DNAJC1: variants seen among roughly 807,000 people sequenced by gnomAD.
The protein encoded by DNAJC1 is DnaJ heat shock protein family (Hsp40) member C1, also known as dnaJ homolog subfamily C member 1.
A neutral mutation model predicts 76.6 loss-of-function variants in DNAJC1; 58 were observed. The ratio of observed to expected loss-of-function variants is 0.76; its 90% CI spans 0.61 to 0.94. The LOEUF is 0.94. Ranked by LOEUF, DNAJC1 falls within the 40% of genes least tolerant of loss-of-function variation. The pLI, the probability that DNAJC1 is intolerant of heterozygous loss-of-function variation, is 0.00. For synonymous variants in DNAJC1, 258 were observed against 267.9 expected (o/e 0.96, Z 0.36); for missense variants, 689 against 677.3 (o/e 1.02, Z -0.19).
chr10:21,946,659 C>G (rs1213260638), intron 1 of DNAJC1, among the ~76,000 whole-genome samples: 1 of 152,028 alleles, frequency 6.6e-6, no homozygotes, highest in African/African-American at 2.4e-5. Flanking sequence ...CAATTTCATT[C>G]CTAAGTACAT....
At chr10:21,979,935 G>A (rs1344113549) in intron 1 of DNAJC1, among the ~76,000 whole-genome samples, 1 of 151,678 alleles carries the variant, frequency 6.6e-6, no homozygotes, top group Non-Finnish European at 1.5e-5. Context: ...GACTTTTGCA[G>A]TCAAAAGTCC....
At chr10:21,824,859 T>G (rs1032630710) in intron 8 of DNAJC1, among the ~76,000 whole-genome samples, 1 of 152,174 alleles carries the variant, frequency 6.6e-6, no homozygotes, top group Non-Finnish European at 1.5e-5. Flanking sequence ...CTGCAACCTC[T>G]GCTTCCTGGA....
chr10:21,991,257 T>C (rs1838322319), intron 1 of DNAJC1, among the ~76,000 whole-genome samples: 2 of 152,104 alleles, frequency 1.3e-5, no homozygotes, highest in South Asian at 4.1e-4. Context: ...GGTCAAAATA[T>C]CACTAACGAC....
intron 3 of DNAJC1, among the ~76,000 whole-genome samples, chr10:21,921,438 G>A (rs1023333711): frequency 2.0e-5 from 3 of 151,740 alleles, no homozygotes; most frequent in African/African-American, 7.3e-5. Flanking sequence ...CCTAAACTAC[G>A]GTGGCTCAAG....
intron 10 of DNAJC1, among the ~76,000 whole-genome samples, chr10:21,765,206 A>G (rs1482248560): frequency 1.3e-5 from 2 of 152,186 alleles, no homozygotes; most frequent in African/African-American, 2.4e-5. Context: ...GAGAACTCCA[A>G]GTTGAATTCT....
intron 8 of DNAJC1, among the ~76,000 whole-genome samples, chr10:21,812,789 T>C (rs1036683091): frequency 3.9e-5 from 6 of 152,070 alleles, no homozygotes; most frequent in East Asian, 3.9e-4. Flanking sequence ...TTTTAGAAAA[T>C]AGTACAGAGT....
chr10:21,838,844 T>A (rs1398312538), intron 8 of DNAJC1, among the ~76,000 whole-genome samples: 1 of 152,072 alleles, frequency 6.6e-6, no homozygotes, highest in African/African-American at 2.4e-5. Flanking sequence ...GACCACACAG[T>A]TGGAAGTAAA....
At chr10:21,935,641 C>A (rs1171521703) in intron 1 of DNAJC1, among the ~76,000 whole-genome samples, 1 of 146,092 alleles carries the variant, frequency 6.8e-6, no homozygotes, top group African/African-American at 2.5e-5. Context: ...TCTCAACAAA[C>A]CCCAAGTAGG....
intron 8 of DNAJC1, among the ~76,000 whole-genome samples, chr10:21,853,042 T>C (rs1224339240): frequency 2.6e-5 from 4 of 152,198 alleles, no homozygotes; most frequent in Admixed American, 2.0e-4. Flanking sequence ...CTTTCACCTT[T>C]ACAAAACAGA....
intron 8 of DNAJC1, among the ~76,000 whole-genome samples, chr10:21,858,658 T>C (rs947316018): frequency 3.9e-5 from 6 of 152,202 alleles, no homozygotes; most frequent in African/African-American, 7.2e-5. Flanking sequence ...GGATGCAGGA[T>C]AGTGATTTTA....
At chr10:21,962,068 T>C (rs1477770740) in intron 1 of DNAJC1, among the ~76,000 whole-genome samples, 1 of 152,332 alleles carries the variant, frequency 6.6e-6, no homozygotes, top group South Asian at 2.1e-4. Flanking sequence ...TCTACCCTTA[T>C]CTAAAACTGC....
intron 9 of DNAJC1, among the ~76,000 whole-genome samples, chr10:21,804,773 T>G (rs920466331): frequency 1.3e-5 from 2 of 152,032 alleles, no homozygotes; most frequent in Non-Finnish European, 2.9e-5. Context: ...GATTGTAGTC[T>G]TTTAAATGAC....
intron 1 of DNAJC1, among the ~76,000 whole-genome samples, chr10:21,976,994 G>C (rs532631844): frequency 1.3e-5 from 2 of 152,212 alleles, no homozygotes; most frequent in African/African-American, 4.8e-5. Context: ...AAGGGGCAAT[G>C]GGGCCAATGG....
At chr10:21,877,891 A>C (rs1450239964) in intron 8 of DNAJC1, among the ~76,000 whole-genome samples, 2 of 152,228 alleles carry the variant, frequency 1.3e-5, no homozygotes, top group African/African-American at 2.4e-5. Flanking sequence ...AATAATGCAG[A>C]CAATAAGTTA....
chr10:21,799,020 G>C (rs184993417), intron 9 of DNAJC1, among the ~76,000 whole-genome samples: 232 of 152,288 alleles, frequency 1.5e-3, no homozygotes, highest in Admixed American at 5.9e-3. Flanking sequence ...AGAAGAAGGA[G>C]AGAACTTACT....
At chr10:21,947,154 T>C (rs1356963602) in intron 1 of DNAJC1, among the ~76,000 whole-genome samples, 1 of 152,156 alleles carries the variant, frequency 6.6e-6, no homozygotes, top group Non-Finnish European at 1.5e-5. Flanking sequence ...ATGTGCAAAA[T>C]GTCATGTGAT....
At chr10:21,879,075 C>T (rs970027590) in intron 8 of DNAJC1, among the ~76,000 whole-genome samples, 11 of 152,200 alleles carry the variant, frequency 7.2e-5, no homozygotes, top group Admixed American at 2.0e-4. Flanking sequence ...AAAACTACTC[C>T]GAAGTCAGGA....
intron 9 of DNAJC1, among the ~76,000 whole-genome samples, chr10:21,783,652 T>C (rs1834564351): frequency 6.6e-6 from 1 of 152,096 alleles, no homozygotes; most frequent in Non-Finnish European, 1.5e-5. Flanking sequence ...CTTCAAACTA[T>C]ACTACAAGGC....
intron 8 of DNAJC1, among the ~76,000 whole-genome samples, chr10:21,846,749 A>G (rs1835665903): frequency 6.6e-6 from 1 of 152,158 alleles, no homozygotes; most frequent in Non-Finnish European, 1.5e-5. Context: ...TTACATTAAC[A>G]GATTTAATCT....
Sources: allele counts gnomAD v4.1 joint callset (sites outside exome capture counted in the v4.1 genomes callset), GRCh38; gene constraint gnomAD v4.1.1; transcripts MANE v1.5; gene names NCBI Gene and HGNC (gene_info 2026-07-23, HGNC 2026-07-21).